TONSL: variants seen among roughly 807,000 people sequenced by gnomAD.
TONSL encodes tonsoku-like protein.
Under a neutral mutation model 147.1 loss-of-function variants are expected in TONSL, and 112 were observed. The observed-to-expected ratio is 0.76, with a 90% CI of 0.65 to 0.89. The LOEUF (loss-of-function observed/expected upper bound fraction) is 0.89. Among genes scored for constraint, TONSL ranks in the 40% least tolerant of loss-of-function variants. TONSL has a pLI of 0.00. For missense variants in TONSL, 1,883 were observed against 1,864.6 expected (o/e 1.01, Z -0.18); for synonymous variants, 868 against 801.5 (o/e 1.08, Z -1.40).
At chr8:144,441,234 G>A (rs1823704870) in intron 7 of TONSL, 123 bp from the exon 8 acceptor site, 1 of 1,366,258 alleles carries the variant, frequency 7.3e-7, no homozygotes, top group African/African-American at 1.5e-5. Flanking sequence ...CTGCCTGTTG[G>A]TGTGGGGGTT....
rs782655667 is a variant in TONSL, at chr8:144,431,123, A to C, written c.3764T>G (p.Leu1255Arg). 4 of 1,614,044 alleles carry C rather than the reference A, an allele frequency of 2.5e-6. No individual in the cohort carries two copies. In the Admixed American group the frequency reaches 5.0e-5, roughly 20 times the overall value. The change falls in exon 24 of 26, where the codon CTG (leucine) becomes CGG (arginine). Residue 1255 changes from leucine to arginine, a missense_variant. Transcript: ENST00000409379. ...KEGCALAHLT[L>R]SANHLGDKAV... ...CTTGTCCCCCAGGTGGTTTGCAGAC[A>C]GGGTCAGGTGGGCTAGAGCACAGCC... is the stretch of plus-strand genomic sequence containing the variant.
chr8:144,442,419 A>G lies in TONSL; in HGVS notation c.579-7T>C, dbSNP rs768671312. 3.2e-5 allele frequency: 49 copies of G among 1,531,680 alleles called. 1 individual carries two copies. The South Asian group carries it at 5.8e-4, about 18-fold the overall frequency. The allele number at this position is 1,531,680 out of a possible 1,614,324, so 94.9% of individuals were successfully genotyped here. On this transcript the variant is annotated splice_region_variant and splice_polypyrimidine_tract_variant and intron_variant, in intron 5 of 25. Transcript: ENST00000409379. Reference sequence around the variant, plus strand: ...CTCGTAAAGGTGGTTCTGCCTGCAGAGGGGTGACGACCACTGAGCACCCAG... The same window carrying G: ...CTCGTAAAGGTGGTTCTGCCTGCAGGGGGGTGACGACCACTGAGCACCCAG...
At chr8:144,441,826 CTG>C (rs1307156926) in intron 7 of TONSL, 1 of 536,202 alleles carries the variant, frequency 1.9e-6, no homozygotes. Flanking sequence ...CCCTGACACA[CTG>C]TGTTGAGCTC....
chr8:144,433,530 T>C, intron 22 of TONSL, 58 bp downstream of exon 22: 1 of 1,564,442 alleles, frequency 6.4e-7, no homozygotes, highest in Non-Finnish European at 8.7e-7. Flanking sequence ...CTGAAAGTCC[T>C]GGAAACCCTC....
intron 4 of TONSL, 23 bp from the exon 5 acceptor site, chr8:144,442,829 C>T (rs772622129): frequency 2.5e-6 from 4 of 1,601,566 alleles, no homozygotes; most frequent in African/African-American, 1.3e-5. Context: ...CCCCCAAACA[C>T]TCAGCCACTT....
At chr8:144,430,357 C>T in intron 25 of TONSL, 47 bp downstream of exon 25, 1 of 1,507,766 alleles carries the variant, frequency 6.6e-7, no homozygotes, top group Non-Finnish European at 8.9e-7. Context: ...AGGCAGGTCC[C>T]TGAAAAGGCC....
rs534998941 is a variant in TONSL, at chr8:144,435,894, G to A, written c.2539C>T (p.Arg847Trp). 41 of 1,596,020 alleles carry A rather than the reference G, an allele frequency of 2.6e-5. No homozygotes were observed. The highest frequency in any genetic ancestry group is 2.1e-4 in the African/African-American group (16 of 74,706). The change falls in exon 17 of 26, where the codon CGG (arginine) becomes TGG (tryptophan). Residue 847 changes from arginine (R) to tryptophan (W), a missense_variant. Coordinates refer to ENST00000409379, the MANE Select transcript of TONSL (RefSeq NM_013432.5). The part of the protein sequence containing the change: ...ELDMPLTRSR[R>W]PRPRGTGDNR... ...TCTCCAGTGCCCCGGGGGCGGGGCCGGCGGCTGCGGGTCAGGGGCATGTCC... is the reference window on the plus strand; with the variant it reads ...TCTCCAGTGCCCCGGGGGCGGGGCCAGCGGCTGCGGGTCAGGGGCATGTCC...
chr8:144,431,480 A>T (rs1330437934), intron 23 of TONSL, among the ~76,000 whole-genome samples: 4 of 152,028 alleles, frequency 2.6e-5, no homozygotes, highest in Non-Finnish European at 5.9e-5. Flanking sequence ...TGAGACAGGC[A>T]GCTGTACAAA....
intron 7 of TONSL, chr8:144,441,420 GT>G (rs1823713429): frequency 3.5e-6 from 1 of 285,658 alleles, no homozygotes; most frequent in Non-Finnish European, 6.7e-6. Flanking sequence ...GTGAAACCTC[GT>G]CTCTACTAAA....
intron 24 of TONSL, among the ~76,000 whole-genome samples, 186 bp from the exon 25 acceptor site, chr8:144,430,723 C>CA (rs1823153260): frequency 1.3e-5 from 2 of 152,200 alleles, no homozygotes; most frequent in South Asian, 4.1e-4. Context: ...GTCAGGGCCA[C>CA]AGTGGCCAGC....
chr8:144,431,981 C>A (rs1347790387), intron 23 of TONSL, among the ~76,000 whole-genome samples: 1 of 151,982 alleles, frequency 6.6e-6, no homozygotes, highest in Non-Finnish European at 1.5e-5. Context: ...GTACCCGCCA[C>A]CACGCCTGGG....
rs749236090 is a variant in TONSL at position 144,440,338 on chromosome 8, T to C, written c.1290+13A>G. The C allele has an allele frequency of 6.3e-7, 1 of 1,577,918 alleles. No homozygotes were observed. The highest frequency in any genetic ancestry group is 1.1e-5 in the South Asian group (1 of 88,168). On this transcript the variant is annotated intron_variant, in intron 10 of 25. Transcript: ENST00000409379. ...CACCGGGGAGCCAGTATGGGTGGGA[T>C]GGGCTCTCGCACCTGCAGCTGGGGA...
Position 144,434,098 on chromosome 8 carries a change from C to A in TONSL, c.3267G>T (p.Glu1089Asp), listed in dbSNP as rs576535779. The A allele has an allele frequency of 6.8e-6, 11 of 1,612,312 alleles. No individual in the cohort carries two copies. Among genetic ancestry groups the A allele is most frequent in the Admixed American group, 3.3e-5 (2 of 59,974 alleles). Residue 1089 changes from glutamate (E) to aspartate (D), a missense_variant, in exon 21 of 26, where the codon GAG (glutamate) becomes GAT (aspartate). Transcript: ENST00000409379. ...GCATGGTGCCCAGGGCAGCCACCAGCTCAGCCACACACTTGTCCCCCAGCC... is the reference window on the plus strand; with the variant it reads ...GCATGGTGCCCAGGGCAGCCACCAGATCAGCCACACACTTGTCCCCCAGCC... ...GNRLGDKCVAELVAALGTMPS... is the reference protein window; with the variant it reads ...GNRLGDKCVADLVAALGTMPS...
intron 4 of TONSL, 43 bp from the exon 5 acceptor site, chr8:144,442,849 A>C: frequency 6.3e-7 from 1 of 1,582,798 alleles, no homozygotes; most frequent in Non-Finnish European, 8.6e-7. Flanking sequence ...TCCTCCCCAC[A>C]TGGGGTTTCC....
rs1243544756 is a variant in TONSL at position 144,440,703 on chromosome 8, G to A, written c.1164+15C>T. ...ATGGGTGAACCTGCATTCGGGCGGG[G>A]AGCAAGGGTTTCACCTCCAGCACGT... On this transcript the variant is annotated intron_variant, in intron 9 of 25. Coordinates refer to ENST00000409379, the MANE Select transcript of TONSL (RefSeq NM_013432.5). 1 of 1,608,840 alleles carries A rather than the reference G, an allele frequency of 6.2e-7. No homozygotes were observed. Among genetic ancestry groups the A allele is most frequent in the Non-Finnish European group, 8.5e-7 (1 of 1,177,374 alleles).
Position 144,440,341 on chromosome 8 carries a change from G to A in TONSL, c.1290+10C>T, listed in dbSNP as rs1444043083. ...CGGGGAGCCAGTATGGGTGGGATGG[G>A]CTCTCGCACCTGCAGCTGGGGACGC... On this transcript the variant is annotated intron_variant, in intron 10 of 25. Coordinates refer to ENST00000409379, the MANE Select transcript of TONSL (RefSeq NM_013432.5). 2 of 1,579,082 alleles carry A rather than the reference G, an allele frequency of 1.3e-6. No homozygotes were observed. Among genetic ancestry groups the A allele is most frequent in the Non-Finnish European group, 1.7e-6 (2 of 1,158,488 alleles).
At position 144,441,044 on chromosome 8, in the gene TONSL, C is replaced by G. The variant is rs762247306; in HGVS notation, c.933G>C (p.Met311Ile). Residue 311 changes from methionine (M) to isoleucine (I), a missense_variant, in exon 8 of 26, where the codon ATG (methionine) becomes ATC (isoleucine). By Grantham distance (10) the Met-to-Ile change is conservative. Transcript: ENST00000409379. The part of the protein sequence containing the change: ...EAEGRDPQGA[M>I]VICEQLGDLF... ...GGTCCCCTAGCTGCTCACAGATGACCATGGCACCCTGAGGGTCTCTGCCCT... is the reference window on the plus strand; with the variant it reads ...GGTCCCCTAGCTGCTCACAGATGACGATGGCACCCTGAGGGTCTCTGCCCT... 6.2e-7 allele frequency: 1 copy of G among 1,613,054 alleles called. No individual in the cohort carries two copies. Among genetic ancestry groups the G allele is most frequent in the East Asian group, 2.2e-5 (1 of 44,886 alleles).
chr8:144,434,255 G>A lies in TONSL; in HGVS notation c.3110C>T (p.Ala1037Val). The change falls in exon 21 of 26, where the codon GCC (alanine) becomes GTC (valine). Residue 1037 changes from alanine to valine, a missense_variant. Coordinates refer to ENST00000409379, the MANE Select transcript of TONSL (RefSeq NM_013432.5). The part of the protein sequence containing the change: ...GQGEHQQVLQ[A>V]VELQGLGLSF... The stretch of plus-strand genomic sequence containing the variant: ...GAGGCCCAAGCCCTGGAGCTCCACG[G>A]CCTGCAGCACCTGTTGGTGCTCCCC... 6.6e-7 allele frequency: 1 copy of A among 1,521,020 alleles called. No homozygotes were observed. The allele number at this position is 1,521,020 out of a possible 1,614,324, so 94.2% of individuals were successfully genotyped here.
chr8:144,431,092 A>G lies in TONSL; in HGVS notation c.3795T>C (p.Val1265=). The change falls in exon 24 of 26, where the codon GTT becomes GTC. Residue 1265 remains valine, a synonymous_variant. Transcript: ENST00000409379. The stretch of plus-strand genomic sequence containing the variant: ...AAGGGCGTTACCTGCACAGGTCTCT[A>G]ACAGCCTTGTCCCCCAGGTGGTTTG... The part of the protein sequence containing the change: ...LSANHLGDKA[V]RDLCRCLSLC... 1 of 1,614,146 alleles carries G rather than the reference A, an allele frequency of 6.2e-7. No individual in the cohort carries two copies. The highest frequency in any genetic ancestry group is 8.5e-7 in the Non-Finnish European group (1 of 1,179,990).
Sources: gnomAD v4.1 joint callset for allele counts (sites outside exome capture counted in the v4.1 genomes callset) on GRCh38, gnomAD v4.1.1 for gene constraint, MANE v1.5 for transcripts, NCBI Gene and HGNC (gene_info 2026-07-23, HGNC 2026-07-21) for gene names.